The following OTUD4 variants were observed in gnomAD, a reference collection of about 807,000 sequenced individuals.
OTUD4 encodes the protein OTU domain-containing protein 4.
OTUD4 carries 24 observed loss-of-function variants against 130.4 expected under a neutral mutation model. The ratio of observed to expected loss-of-function variants is 0.18; its 90% confidence interval spans 0.13 to 0.26. The LOEUF (loss-of-function observed/expected upper bound fraction) is 0.26, where lower values mean the gene tolerates loss of function less well. Among genes scored for constraint, OTUD4 ranks in the 10% least tolerant of loss-of-function variants. The pLI is 1.00. For synonymous variants in OTUD4, 420 were observed against 472.5 expected, an observed-to-expected ratio of 0.89 and a Z score of 1.44; for missense variants, 1,031 against 1,329.4, an observed-to-expected ratio of 0.78 and a Z score of 3.49.
At chr4:145,174,945 A>C (rs537089097) in intron 1 of OTUD4, among the ~76,000 whole-genome samples, 63 of 152,312 alleles carry the variant, frequency 4.1e-4, no homozygotes, top group African/African-American at 1.5e-3. Context: ...TATACAAACA[A>C]TACTACTTCT....
At chr4:145,179,793 C>CCCCCCCCCCCCCCCCCA in intron 1 of OTUD4, 22 bp downstream of exon 1, 1 of 1,461,526 alleles carries the variant, frequency 6.8e-7, no homozygotes, top group South Asian at 1.2e-5. Flanking sequence ...CCTCGAAGCC[C>CCCCCCCCCCCCCCCCCA]TCCCCGCCCC....
At chr4:145,160,578 CA>C (rs2126781286) in intron 6 of OTUD4, among the ~76,000 whole-genome samples, 1 of 152,236 alleles carries the variant, frequency 6.6e-6, no homozygotes, top group East Asian at 1.9e-4. Flanking sequence ...TTTGGGAGAC[CA>C]AGGCGGGCAG....
At chr4:145,141,965 C>G (rs1432715126) in intron 18 of OTUD4, among the ~76,000 whole-genome samples, 1 of 152,170 alleles carries the variant, frequency 6.6e-6, no homozygotes, top group African/African-American at 2.4e-5. Flanking sequence ...CCAAAGCAAC[C>G]AGCTCAAACA....
At chr4:145,160,552 C>T (rs973912282) in intron 6 of OTUD4, among the ~76,000 whole-genome samples, 1 of 152,178 alleles carries the variant, frequency 6.6e-6, no homozygotes, top group African/African-American at 2.4e-5. Context: ...GAGGCTCACA[C>T]CTGTAATCCC....
chr4:145,149,077 T>C (rs1299636218), intron 13 of OTUD4, among the ~76,000 whole-genome samples: 1 of 152,184 alleles, frequency 6.6e-6, no homozygotes, highest in African/African-American at 2.4e-5. Flanking sequence ...TGACCTTATT[T>C]AGAAATAGGG....
chr4:145,142,466 A>T, intron 17 of OTUD4, 132 bp from the exon 18 acceptor site: 1 of 722,288 alleles, frequency 1.4e-6, no homozygotes, highest in Non-Finnish European at 2.3e-6. Context: ...TAGCCCTTAT[A>T]GTCTTAGAAA....
intron 1 of OTUD4, among the ~76,000 whole-genome samples, chr4:145,175,252 T>C (rs901247517): frequency 6.6e-6 from 1 of 152,202 alleles, no homozygotes; most frequent in African/African-American, 2.4e-5. Context: ...TCCACTATGG[T>C]TTCAGAAAAA....
chr4:145,148,996 AT>A (rs1325113878), intron 13 of OTUD4, among the ~76,000 whole-genome samples: 1 of 152,184 alleles, frequency 6.6e-6, no homozygotes, highest in Non-Finnish European at 1.5e-5. Flanking sequence ...AATCATTAGT[AT>A]TTGTTATGGA....
intron 18 of OTUD4, 59 bp downstream of exon 18, chr4:145,142,137 T>A: frequency 6.7e-7 from 1 of 1,483,386 alleles, no homozygotes; most frequent in South Asian, 1.2e-5. Flanking sequence ...CTCAAGAATT[T>A]GAAGTCTCTG....
rs1418090780 is a variant in OTUD4 at position 145,179,968 on chromosome 4, C to A, written c.6G>T (p.Glu2Asp). The A allele has an allele frequency of 1.3e-6, 2 of 1,517,918 alleles. No homozygotes were observed. Among genetic ancestry groups the A allele is most frequent in the Non-Finnish European group, 1.8e-6 (2 of 1,140,272 alleles). The allele number at this position is 1,517,918 out of a possible 1,614,324, so 94.0% of individuals were successfully genotyped here. M[E>D]AAVGVPDGGD... ...CGCCGTCGGGGACGCCGACGGCAGC[C>A]TCCATGTTGCTGGTCCTGCTGCAGG... Residue 2 changes from glutamate (E) to aspartate (D), a missense_variant, in exon 1 of 21, where the codon GAG becomes GAT. Physicochemically the swap from Glu to Asp is conservative, Grantham distance 45. Transcript: ENST00000447906.
Position 145,144,324 on chromosome 4 carries a change from T to G in OTUD4, c.1533A>C (p.Glu511Asp). ...KGSRRRMDTE[E>D]RKDKDSIHGH... ...GAGATAACTTACCTTTGTCTTTTCG[T>G]TCTTCTGTATCCATTCTCCGCCTGC... Residue 511 changes from glutamate (E) to aspartate (D), a missense_variant, in exon 15 of 21, where the codon GAA becomes GAC. Coordinates refer to ENST00000447906, the MANE Select transcript of OTUD4 (RefSeq NM_001366057.1). The G allele has an allele frequency of 6.2e-7, 1 of 1,611,544 alleles. No homozygotes were observed. The highest frequency in any genetic ancestry group is 1.1e-5 in the South Asian group (1 of 90,438).
At chr4:145,145,819 C>A (rs1343866725) in intron 14 of OTUD4, among the ~76,000 whole-genome samples, 1 of 152,182 alleles carries the variant, frequency 6.6e-6, no homozygotes, top group Non-Finnish European at 1.5e-5. Flanking sequence ...AGCCCAGTGC[C>A]TGACACATGG....
rs796551905 is a variant in OTUD4, at chr4:145,135,061, C to CTAAT, written c.*2365_*2368dup. 848 of 328,090 alleles carry CTAAT rather than the reference C, an allele frequency of 2.6e-3. 4 individuals carry two copies. The highest frequency in any genetic ancestry group is 0.015 in the African/African-American group (708 of 46,420). The allele number at this position is 328,090 out of a possible 1,614,324, so 20.3% of individuals were successfully genotyped here. A position where few individuals can be genotyped will look rare whatever the true frequency, so the allele number is the denominator to read the frequency against. The stretch of plus-strand genomic sequence containing the variant: ...TCAGCATAAGGCAAAATCCCCTGGA[C>CTAAT]TAATACATTTAAAAACAAACTTAAA... On this transcript the variant is annotated 3_prime_UTR_variant, in exon 21 of 21. Transcript: ENST00000447906.
intron 20 of OTUD4, 25 bp from the exon 21 acceptor site, chr4:145,138,675 TAAAC>T (rs781000012): frequency 3.2e-6 from 5 of 1,564,598 alleles, no homozygotes; most frequent in South Asian, 1.2e-5. Context: ...AACAGTTAAA[TAAAC>T]AAAAGAGGAG....
rs549888974 is a variant in OTUD4 at position 145,144,324 on chromosome 4, T to A, written c.1533A>T (p.Glu511Asp). 79 of 1,611,544 alleles carry A rather than the reference T, an allele frequency of 4.9e-5. No homozygotes were observed. In the East Asian group the frequency reaches 1.7e-3, roughly 36 times the overall value. The change falls in exon 15 of 21, where the codon GAA (glutamate) becomes GAT (aspartate). Residue 511 changes from glutamate (E) to aspartate (D), a missense_variant. Coordinates refer to ENST00000447906, the MANE Select transcript of OTUD4 (RefSeq NM_001366057.1). ...GAGATAACTTACCTTTGTCTTTTCG[T>A]TCTTCTGTATCCATTCTCCGCCTGC... Reference protein sequence around the residue: ...KGSRRRMDTEERKDKDSIHGH... With the variant: ...KGSRRRMDTEDRKDKDSIHGH...
At chr4:145,179,690 C>T in intron 1 of OTUD4, 125 bp downstream of exon 1, 2 of 1,406,832 alleles carry the variant, frequency 1.4e-6, no homozygotes, top group Non-Finnish European at 9.2e-7. Context: ...GGCGCTGTGA[C>T]GACAGCCAGG....
rs1461163108 is a variant in OTUD4 at position 145,135,548 on chromosome 4, A to C, written c.*1882T>G. On this transcript the variant is annotated 3_prime_UTR_variant, in exon 21 of 21. Transcript: ENST00000447906. ...AAAGTGGAGGACCCTCTATCTTCTCATTCCTTAACTGAGCCACCGATGTTA... is the reference window on the plus strand; with the variant it reads ...AAAGTGGAGGACCCTCTATCTTCTCCTTCCTTAACTGAGCCACCGATGTTA... 3 of 152,320 alleles carry C rather than the reference A, an allele frequency of 2.0e-5. No individual in the cohort carries two copies. Among genetic ancestry groups the C allele is most frequent in the Non-Finnish European group, 4.4e-5 (3 of 68,020 alleles). 9.4% of individuals were successfully genotyped at this position (152,320 alleles called of 1,614,324 possible). A position where few individuals can be genotyped will look rare whatever the true frequency, so the allele number is the denominator to read the frequency against.
intron 14 of OTUD4, 103 bp downstream of exon 14, chr4:145,146,164 T>G (rs1228827674): frequency 1.7e-5 from 11 of 665,336 alleles, no homozygotes; most frequent in Non-Finnish European, 2.3e-5. Flanking sequence ...GTATTTAGAG[T>G]TTAAAAATTA....
chr4:145,150,407 A>G (rs1294300049), intron 13 of OTUD4, 106 bp downstream of exon 13: 6 of 711,358 alleles, frequency 8.4e-6, no homozygotes, highest in Non-Finnish European at 1.4e-5. Context: ...TATAGGGACA[A>G]TGATATGAGT....
Sources: gnomAD v4.1 joint callset for allele counts (sites outside exome capture counted in the v4.1 genomes callset) on GRCh38, gnomAD v4.1.1 for gene constraint, MANE v1.5 for transcripts, NCBI Gene and HGNC (gene_info 2026-07-23, HGNC 2026-07-21) for gene names.